The following TMEM132C variants were observed in gnomAD, a reference collection of about 807,000 sequenced individuals.
TMEM132C encodes transmembrane protein 132C.
In TMEM132C, 29 loss-of-function variants were observed where a neutral mutation model predicts 61.4. That is an observed-to-expected ratio of 0.47 (90% CI 0.35 to 0.64). TMEM132C has a LOEUF of 0.64. TMEM132C is among the 30% of genes least tolerant of loss of function. TMEM132C has a pLI of 0.00. For missense variants in TMEM132C, 1,408 were observed against 1,476.9 expected (o/e 0.95, Z 0.76); for synonymous variants, 656 against 633.1 (o/e 1.04, Z -0.54).
intron 1 of TMEM132C, among the ~76,000 whole-genome samples, chr12:128,355,881 A>C (rs879796885): frequency 6.6e-6 from 1 of 152,032 alleles, no homozygotes; most frequent in Non-Finnish European, 1.5e-5. Context: ...GGTGCCCTAC[A>C]TAAAATTGCA....
intron 2 of TMEM132C, among the ~76,000 whole-genome samples, chr12:128,507,345 C>G (rs1241815873): frequency 6.7e-6 from 1 of 148,968 alleles, no homozygotes; most frequent in East Asian, 2.0e-4. Flanking sequence ...AACTGAAACC[C>G]TTGTAATCGT....
intron 3 of TMEM132C, among the ~76,000 whole-genome samples, chr12:128,590,552 C>T (rs536215768): frequency 1.3e-5 from 2 of 152,164 alleles, no homozygotes; most frequent in African/African-American, 4.8e-5. Flanking sequence ...GGGTCTCCCC[C>T]ACTGCCACCC....
intron 4 of TMEM132C, among the ~76,000 whole-genome samples, chr12:128,624,341 C>G (rs1019347063): frequency 1.3e-5 from 2 of 151,930 alleles, no homozygotes; most frequent in African/African-American, 4.8e-5. Context: ...GTCAGGAGTT[C>G]AAGACCACCC....
At chr12:128,582,914 A>T (rs777895196) in intron 3 of TMEM132C, among the ~76,000 whole-genome samples, 1 of 152,186 alleles carries the variant, frequency 6.6e-6, no homozygotes, top group Admixed American at 6.5e-5. Context: ...TGCTGAGATT[A>T]TAAGCATGAG....
At chr12:128,648,875 T>C (rs1593133799) in intron 4 of TMEM132C, among the ~76,000 whole-genome samples, 1 of 144,886 alleles carries the variant, frequency 6.9e-6, no homozygotes, top group East Asian at 2.0e-4. Context: ...GTGTGTTTAC[T>C]GGAGTCCATC....
At chr12:128,585,626 T>C (rs544410890) in intron 3 of TMEM132C, among the ~76,000 whole-genome samples, 7 of 152,362 alleles carry the variant, frequency 4.6e-5, no homozygotes, top group Non-Finnish European at 7.3e-5. Context: ...ATGAGTCACA[T>C]GTGTACCCAA....
At chr12:128,592,045 C>CAAA (rs1165038921) in intron 3 of TMEM132C, among the ~76,000 whole-genome samples, 8 of 50,898 alleles carry the variant, frequency 1.6e-4, no homozygotes, top group Non-Finnish European at 2.5e-4. Context: ...GAGTGAGACT[C>CAAA]AAAAAAAAAA....
At chr12:128,455,485 G>A (rs898984324) in intron 2 of TMEM132C, among the ~76,000 whole-genome samples, 3 of 152,192 alleles carry the variant, frequency 2.0e-5, no homozygotes, top group Non-Finnish European at 2.9e-5. Flanking sequence ...GCAGGATGGG[G>A]CTGAGCAGCC....
At chr12:128,653,932 G>C (rs985311383) in intron 4 of TMEM132C, among the ~76,000 whole-genome samples, 7 of 152,224 alleles carry the variant, frequency 4.6e-5, no homozygotes, top group African/African-American at 1.4e-4. Context: ...AGCCCTCTGT[G>C]CCTCAGTTTC....
chr12:128,511,860 A>G (rs1024446676), intron 2 of TMEM132C, among the ~76,000 whole-genome samples: 10 of 152,148 alleles, frequency 6.6e-5, no homozygotes, highest in Non-Finnish European at 1.5e-4. Flanking sequence ...CCTAGTGAAC[A>G]AAGATACTCC....
chr12:128,361,261 TGTGG>T (rs1346566301), intron 1 of TMEM132C, among the ~76,000 whole-genome samples: 2 of 152,138 alleles, frequency 1.3e-5, no homozygotes, highest in Non-Finnish European at 2.9e-5. Flanking sequence ...GCAGAGAGAT[TGTGG>T]GTGGATGCAA....
In TMEM132C at chr12:128,305,879, A is replaced by G. The variant is rs548618427; in HGVS notation, c.85+38392A>G. Among the ~76,000 whole-genome samples the G allele has an allele frequency of 2.1e-4, 32 of 152,274 alleles. No homozygotes were observed. In the South Asian group the frequency reaches 6.6e-3, roughly 32 times the overall value. ...GCCTGCCTGTATAGACGATGCCTAG[A>G]ACTGACGGTAGCCTGGTGATATTTA... On this transcript the variant is annotated intron_variant, in intron 1 of 8. Transcript: ENST00000435159.
At chr12:128,325,112 A>G (rs369413069) in intron 1 of TMEM132C, among the ~76,000 whole-genome samples, 260 of 152,342 alleles carry the variant, frequency 1.7e-3, no homozygotes, top group African/African-American at 5.5e-3. Flanking sequence ...GCGGCTGCCC[A>G]CACACCAGCT....
chr12:128,352,711 AC>A (rs1433135607), intron 1 of TMEM132C, among the ~76,000 whole-genome samples: 2 of 152,144 alleles, frequency 1.3e-5, no homozygotes, highest in African/African-American at 2.4e-5. Context: ...GATTTGTAGA[AC>A]CTTAACTTTT....
At chr12:128,511,117 G>T (rs906261384) in intron 2 of TMEM132C, among the ~76,000 whole-genome samples, 1 of 152,160 alleles carries the variant, frequency 6.6e-6, no homozygotes, top group African/African-American at 2.4e-5. Flanking sequence ...AGGGATTTCT[G>T]CAATTGATTT....
chr12:128,690,419 C>T (rs1004881890), intron 5 of TMEM132C, among the ~76,000 whole-genome samples: 56 of 152,316 alleles, frequency 3.7e-4, no homozygotes, highest in African/African-American at 1.3e-3. Flanking sequence ...TGTCCCCAGA[C>T]ATTTATGACA....
At chr12:128,480,692 A>G (rs1449054263) in intron 2 of TMEM132C, among the ~76,000 whole-genome samples, 1 of 151,844 alleles carries the variant, frequency 6.6e-6, no homozygotes, top group Admixed American at 6.6e-5. Context: ...CATTTAGGGT[A>G]CAGATTTATC....
chr12:128,359,662 G>A (rs1304207508), intron 1 of TMEM132C, among the ~76,000 whole-genome samples: 2 of 152,168 alleles, frequency 1.3e-5, no homozygotes, highest in Non-Finnish European at 2.9e-5. Flanking sequence ...TATTCTCTGA[G>A]GGTGTTTTCA....
At chr12:128,389,734 G>T (rs1483122308) in intron 1 of TMEM132C, among the ~76,000 whole-genome samples, 3 of 152,188 alleles carry the variant, frequency 2.0e-5, no homozygotes, top group African/African-American at 7.2e-5. Context: ...GTGGCCAAAG[G>T]CAGGGGCACA....
Sources: allele counts gnomAD v4.1 joint callset (sites outside exome capture counted in the v4.1 genomes callset), GRCh38; gene constraint gnomAD v4.1.1; transcripts MANE v1.5; gene names NCBI Gene and HGNC (gene_info 2026-07-23, HGNC 2026-07-21).